GLT8D1: variants seen among roughly 807,000 people sequenced by gnomAD.
GLT8D1 encodes the protein glycosyltransferase 8 domain containing 1, also known as glycosyltransferase 8 domain-containing protein 1.
A neutral mutation model predicts 46.2 loss-of-function variants in GLT8D1; 41 were observed. The observed-to-expected ratio is 0.89, with a 90% CI of 0.69 to 1.15. GLT8D1 has a LOEUF of 1.15. Ranked by LOEUF, GLT8D1 falls within the 50% of genes most tolerant of loss-of-function variation. The pLI, the probability that GLT8D1 is intolerant of heterozygous loss-of-function variation, is 0.00. For missense variants in GLT8D1, 408 were observed against 449.3 expected, an observed-to-expected ratio of 0.91 and a Z score of 0.83; for synonymous variants, 150 against 154.2, an observed-to-expected ratio of 0.97 and a Z score of 0.20.
At chr3:52,704,153 G>A (rs1578596343) in intron 1 of GLT8D1, among the ~76,000 whole-genome samples, 1 of 151,094 alleles carries the variant, frequency 6.6e-6, no homozygotes, top group Non-Finnish European at 1.5e-5. Context: ...CAAAACTGTG[G>A]ATACAAAAAA....
rs1204267021 is a variant in GLT8D1 at position 52,696,598 on chromosome 3, T to G, written c.391A>C (p.Lys131Gln). 6 of 1,611,938 alleles carry G rather than the reference T, an allele frequency of 3.7e-6. No individual in the cohort carries two copies. The highest frequency in any genetic ancestry group is 5.1e-6 in the Non-Finnish European group (6 of 1,178,126). Residue 131 changes from lysine to glutamine, a missense_variant, in exon 5 of 10, where the codon AAA (lysine) becomes CAA (glutamine). Transcript: ENST00000266014. Reference protein sequence around the residue: ...IRYKIVNFDPKLLEGKVKEDP... With the variant: ...IRYKIVNFDPQLLEGKVKEDP... ...TCCTTTACTTTTCCTTCCAAAAGTT[T>G]AGGGTCAAAATTGACAATTTTGTAT...
intron 3 of GLT8D1, 49 bp from the exon 4 acceptor site, chr3:52,697,983 T>TA (rs1175312968): frequency 8.8e-7 from 1 of 1,138,646 alleles, no homozygotes. Flanking sequence ...GGGCTTTTGA[T>TA]ATAGAGTCCA....
chr3:52,696,531 A>C lies in GLT8D1; in HGVS notation c.447+11T>G. 1 of 1,341,768 alleles carries C rather than the reference A, an allele frequency of 7.5e-7. No homozygotes were observed. Among genetic ancestry groups the C allele is most frequent in the Non-Finnish European group, 1.1e-6 (1 of 931,816 alleles). 83.1% of individuals were successfully genotyped at this position (1,341,768 alleles called of 1,614,324 possible). ...TACTGCCAAGTGCAAAGAAGGATGC[A>C]TGGAACTCACAGGTTTCATGGATTC... On this transcript the variant is annotated intron_variant, in intron 5 of 9. Transcript: ENST00000266014.
chr3:52,702,255 T>G (rs563136297), intron 1 of GLT8D1, among the ~76,000 whole-genome samples: 1 of 152,328 alleles, frequency 6.6e-6, no homozygotes, highest in South Asian at 2.1e-4. Context: ...GTTTAAAAAA[T>G]TGGGGGCTGG....
intron 5 of GLT8D1, 58 bp from the exon 6 acceptor site, chr3:52,696,376 A>G: frequency 1.6e-6 from 2 of 1,232,844 alleles, no homozygotes; most frequent in Non-Finnish European, 2.4e-6. Context: ...TTTTATTTAC[A>G]CAGAAACTCC....
chr3:52,696,234 C>T lies in GLT8D1; in HGVS notation c.532G>A (p.Gly178Ser). The T allele has an allele frequency of 1.3e-6, 2 of 1,595,498 alleles. No individual in the cohort carries two copies. Among genetic ancestry groups the T allele is most frequent in the African/African-American group, 1.3e-5 (1 of 74,670 alleles). The change falls in exon 6 of 10, where the codon GGT (glycine) becomes AGT (serine). Residue 178 changes from glycine (G) to serine (S), a missense_variant and splice_region_variant. By Grantham distance (56) the Gly-to-Ser change is moderately conservative. Transcript: ENST00000266014. ...GCACTCATGGTGACATTTTTGATAC[C>T]TTGCACAATTACATCATCATCCATG... is the stretch of plus-strand genomic sequence containing the variant. ...IYMDDDVIVQGDILALYNTAL... is the reference protein window; with the variant it reads ...IYMDDDVIVQSDILALYNTAL...
chr3:52,697,942 C>T lies in GLT8D1; in HGVS notation c.116-8G>A, dbSNP rs1306712818. 6.4e-7 allele frequency: 1 copy of T among 1,559,446 alleles called. No homozygotes were observed. The highest frequency in any genetic ancestry group is 2.2e-5 in the East Asian group (1 of 44,638). On this transcript the variant is annotated splice_region_variant and splice_polypyrimidine_tract_variant and intron_variant, in intron 3 of 9. Transcript: ENST00000266014. ...GCCCTACAATTCCTGAATCTGAAAA[C>T]ACAAGGAAGGCACTGTGATTACAAT...
chr3:52,696,792 G>A (rs985272460), intron 4 of GLT8D1, 133 bp from the exon 5 acceptor site: 47 of 615,470 alleles, frequency 7.6e-5, no homozygotes, highest in African/African-American at 5.5e-4. Context: ...TGGTTTCCTC[G>A]TCTGAAGTGA....
intron 1 of GLT8D1, 67 bp downstream of exon 1, chr3:52,705,378 TTC>T (rs964066235): frequency 1.3e-5 from 2 of 152,544 alleles, no homozygotes; most frequent in Admixed American, 1.3e-4. Flanking sequence ...TCCAAGGGAA[TTC>T]TCTCTGTTGT....
intron 3 of GLT8D1, among the ~76,000 whole-genome samples, chr3:52,699,062 C>CATGCTT (rs3075809): frequency 0.45 from 68,646 of 151,296 alleles, 15,830 homozygotes; most frequent in African/African-American, 0.52. Context: ...ATCACAGTGA[C>CATGCTT]ATGATATACA....
rs991615634 is a variant in GLT8D1, at chr3:52,695,184, A to C, written c.925+6T>G. On this transcript the variant is annotated splice_donor_region_variant and intron_variant, in intron 9 of 9. Transcript: ENST00000266014. ...CTAGCTTATGCCACTGGTTAATTCT[A>C]CTTACCAAGGTGGCGGACATTCCAC... 1 of 1,593,148 alleles carries C rather than the reference A, an allele frequency of 6.3e-7. No homozygotes were observed. The highest frequency in any genetic ancestry group is 8.6e-7 in the Non-Finnish European group (1 of 1,161,630).
chr3:52,696,222 C>T lies in GLT8D1; in HGVS notation c.532+12G>A. ...GGGTGGAGAACAGCACTCATGGTGA[C>T]ATTTTTGATACCTTGCACAATTACA... is the stretch of plus-strand genomic sequence containing the variant. On this transcript the variant is annotated intron_variant, in intron 6 of 9. Transcript: ENST00000266014. 6.4e-7 allele frequency: 1 copy of T among 1,563,938 alleles called. No individual in the cohort carries two copies. Among genetic ancestry groups the T allele is most frequent in the Non-Finnish European group, 8.8e-7 (1 of 1,134,132 alleles).
intron 5 of GLT8D1, 31 bp from the exon 6 acceptor site, chr3:52,696,349 T>A: frequency 7.1e-7 from 1 of 1,407,762 alleles, no homozygotes; most frequent in Non-Finnish European, 1.0e-6. Flanking sequence ...TGGCATAGGA[T>A]ACCGCACTAG....
At chr3:52,695,610 T>G (rs372536488) in intron 7 of GLT8D1, 23 bp from the exon 8 acceptor site, 1 of 1,394,140 alleles carries the variant, frequency 7.2e-7, no homozygotes, top group Admixed American at 1.8e-5. Context: ...ATAGGATATA[T>G]GTACTTACTG....
chr3:52,700,954 G>A (rs1193298326), intron 1 of GLT8D1, among the ~76,000 whole-genome samples: 7 of 152,006 alleles, frequency 4.6e-5, no homozygotes, highest in South Asian at 2.1e-4. Flanking sequence ...AATCCCAGCT[G>A]CTCAGGAGGC....
intron 1 of GLT8D1, 158 bp from the exon 2 acceptor site, chr3:52,700,654 C>G (rs2097338585): frequency 2.2e-6 from 1 of 462,308 alleles, no homozygotes; most frequent in Admixed American, 3.6e-5. Context: ...CCCAAGAACC[C>G]AATTTGGGAT....
At chr3:52,702,149 TAAGTTTGAATTAACTTC>T (rs1413740981) in intron 1 of GLT8D1, among the ~76,000 whole-genome samples, 1 of 152,206 alleles carries the variant, frequency 6.6e-6, no homozygotes, top group African/African-American at 2.4e-5. Context: ...ACAGACAAAG[TAAGTTTGAATTAACTTC>T]ATCCTGGGAA....
At chr3:52,699,520 T>C (rs2097337428) in intron 3 of GLT8D1, among the ~76,000 whole-genome samples, 1 of 152,142 alleles carries the variant, frequency 6.6e-6, no homozygotes, top group Admixed American at 6.6e-5. Flanking sequence ...CCTGACCTCG[T>C]GATCTGCCCA....
rs1464805986 is a variant in GLT8D1, at chr3:52,694,752, C to CGAT, written c.*90_*92dup. On this transcript the variant is annotated 3_prime_UTR_variant, in exon 10 of 10. Coordinates refer to ENST00000266014, the MANE Select transcript of GLT8D1 (RefSeq NM_018446.4). ...CACATCTTTTTCCATGGCTTGCTACCGATAGGCATTGAAGCCTAGCAACTG... is the reference window on the plus strand; with the variant it reads ...CACATCTTTTTCCATGGCTTGCTACCGATGATAGGCATTGAAGCCTAGCAACTG... 2.3e-6 allele frequency: 2 copies of CGAT among 863,504 alleles called. No individual in the cohort carries two copies. The highest frequency in any genetic ancestry group is 3.9e-6 in the Non-Finnish European group (2 of 510,464). The allele number at this position is 863,504 out of a possible 1,614,324, so 53.5% of individuals were successfully genotyped here.
Sources: gnomAD v4.1 joint callset for allele counts (sites outside exome capture counted in the v4.1 genomes callset) on GRCh38, gnomAD v4.1.1 for gene constraint, MANE v1.5 for transcripts, NCBI Gene and HGNC (gene_info 2026-07-23, HGNC 2026-07-21) for gene names.